Variants in PDE1A observed in about 807,000 individuals in gnomAD.
PDE1A encodes the protein dual specificity calcium/calmodulin-dependent 3',5'-cyclic nucleotide phosphodiesterase 1A.
A neutral mutation model predicts 61.7 loss-of-function variants in PDE1A; 35 were observed. The ratio of observed to expected loss-of-function variants is 0.57; its 90% CI spans 0.43 to 0.75. PDE1A has a LOEUF of 0.75. PDE1A is among the 30% of genes least tolerant of loss of function. The probability of loss-of-function intolerance (pLI) is 0.00; values close to 1 mark genes in which losing one functional copy is unlikely to be tolerated. For missense variants in PDE1A, 597 were observed against 630.6 expected, an observed-to-expected ratio of 0.95 and a Z score of 0.57; for synonymous variants, 232 against 213.2, an observed-to-expected ratio of 1.09 and a Z score of -0.77.
the PDE1A span, among the ~76,000 whole-genome samples, chr2:182,627,898 C>T: frequency 6.8e-6 from 1 of 146,946 alleles, no homozygotes; most frequent in Non-Finnish European, 1.5e-5. Context: ...GAGCTGAGAT[C>T]ATGCCACTGC....
chr2:182,620,308 T>C, the PDE1A span, among the ~76,000 whole-genome samples: 1 of 152,222 alleles, frequency 6.6e-6, no homozygotes, highest in Non-Finnish European at 1.5e-5. Flanking sequence ...ATTTCACAAA[T>C]AGTTATTCAA....
At chr2:182,358,515 T>A (rs1199513249) in intron 1 of PDE1A, among the ~76,000 whole-genome samples, 1 of 152,170 alleles carries the variant, frequency 6.6e-6, no homozygotes, top group Non-Finnish European at 1.5e-5. Context: ...AGACACCGTG[T>A]TTTTCTCCAT....
upstream of PDE1A, among the ~76,000 whole-genome samples, chr2:182,527,550 C>T (rs1255877707): frequency 6.7e-6 from 1 of 148,684 alleles, no homozygotes; most frequent in African/African-American, 2.5e-5. Context: ...AGAGAGACCC[C>T]ATGTCAAAAA....
At chr2:182,592,816 T>C in the PDE1A span, among the ~76,000 whole-genome samples, 2 of 152,184 alleles carry the variant, frequency 1.3e-5, no homozygotes, top group Non-Finnish European at 2.9e-5. Context: ...GGGTAGTTGA[T>C]ACATTTGTCA....
chr2:182,664,291 A>G, the PDE1A span, among the ~76,000 whole-genome samples: 2 of 152,232 alleles, frequency 1.3e-5, no homozygotes, highest in Non-Finnish European at 2.9e-5. Context: ...AATTTTTGCA[A>G]ATATGACCAT....
intron 1 of PDE1A, among the ~76,000 whole-genome samples, chr2:182,269,569 T>C (rs1365572747): frequency 6.6e-6 from 1 of 151,780 alleles, no homozygotes; most frequent in Non-Finnish European, 1.5e-5. Context: ...TTCCAGAAAA[T>C]TGATCAACTG....
intron 1 of PDE1A, among the ~76,000 whole-genome samples, chr2:182,371,669 T>C (rs924980693): frequency 2.0e-5 from 3 of 152,226 alleles, no homozygotes; most frequent in African/African-American, 7.2e-5. Context: ...GTGATAGTAA[T>C]AACCATTTGT....
chr2:182,157,105 C>T (rs1452910005), intron 13 of PDE1A, among the ~76,000 whole-genome samples: 1 of 150,968 alleles, frequency 6.6e-6, no homozygotes. Context: ...ACCTCCAGCT[C>T]CTGGGTTCAA....
the PDE1A span, among the ~76,000 whole-genome samples, chr2:182,560,277 T>C: frequency 4.3e-5 from 6 of 139,782 alleles, no homozygotes; most frequent in East Asian, 2.2e-4. Flanking sequence ...TGTGTTCTCA[T>C]TGTTCAATTC....
chr2:182,342,162 C>A (rs1253287605), intron 1 of PDE1A, among the ~76,000 whole-genome samples: 5 of 152,140 alleles, frequency 3.3e-5, no homozygotes, highest in Non-Finnish European at 5.9e-5. Context: ...AACTATTAAA[C>A]AATCTTTTAT....
the PDE1A span, among the ~76,000 whole-genome samples, chr2:182,682,063 A>G: frequency 6.6e-6 from 1 of 152,130 alleles, no homozygotes; most frequent in Non-Finnish European, 1.5e-5. Context: ...TATTGACTTC[A>G]CAGCACTTGA....
the PDE1A span, among the ~76,000 whole-genome samples, chr2:182,695,666 C>CAAAAAAA: frequency 3.1e-4 from 10 of 32,762 alleles, no homozygotes; most frequent in Admixed American, 1.2e-3. Context: ...GGCCCTCTCT[C>CAAAAAAA]AAAAAAAAAA....
chr2:182,428,161 A>G (rs1403595842), upstream of PDE1A, among the ~76,000 whole-genome samples: 4 of 152,136 alleles, frequency 2.6e-5, no homozygotes, highest in East Asian at 7.7e-4. Context: ...AATAAAATAA[A>G]TGGGTTCTAG....
At chr2:182,622,080 G>T in the PDE1A span, among the ~76,000 whole-genome samples, 1 of 152,008 alleles carries the variant, frequency 6.6e-6, no homozygotes, top group Non-Finnish European at 1.5e-5. Flanking sequence ...AGGAATTGAG[G>T]GTTAAGTATG....
chr2:182,642,458 C>G, the PDE1A span, among the ~76,000 whole-genome samples: 11 of 152,096 alleles, frequency 7.2e-5, no homozygotes, highest in African/African-American at 2.4e-4. Flanking sequence ...TGTCATAAAC[C>G]TGAGGACTCT....
chr2:182,715,501 A>C, the PDE1A span, among the ~76,000 whole-genome samples: 2 of 152,216 alleles, frequency 1.3e-5, no homozygotes, highest in Non-Finnish European at 2.9e-5. Flanking sequence ...ATTTCATGTT[A>C]GGGTTGATGT....
chr2:182,361,344 A>G (rs1385748473), intron 1 of PDE1A, among the ~76,000 whole-genome samples: 1 of 152,116 alleles, frequency 6.6e-6, no homozygotes, highest in African/African-American at 2.4e-5. Flanking sequence ...GTGATCTCTA[A>G]ACACCTAAGT....
chr2:182,621,170 C>A, the PDE1A span, among the ~76,000 whole-genome samples: 4 of 152,154 alleles, frequency 2.6e-5, no homozygotes, highest in Non-Finnish European at 5.9e-5. Context: ...GAGCAGATCC[C>A]TTTCTATCTT....
At chr2:182,462,417 C>A (rs1686366833) in intron 2 of PDE1A, among the ~76,000 whole-genome samples, 2 of 151,816 alleles carry the variant, frequency 1.3e-5, no homozygotes, top group South Asian at 4.2e-4. Flanking sequence ...GAGTTCTGAT[C>A]AGCACCCTCA....
Sources: allele counts gnomAD v4.1 joint callset (sites outside exome capture counted in the v4.1 genomes callset), GRCh38; gene constraint gnomAD v4.1.1; transcripts MANE v1.5; gene names NCBI Gene and HGNC (gene_info 2026-07-23, HGNC 2026-07-21).